NLRC3: variants seen among roughly 807,000 people sequenced by gnomAD.
The protein encoded by NLRC3 is NLR family CARD domain-containing protein 3.
A neutral mutation model predicts 91.6 loss-of-function variants in NLRC3; 87 were observed. The ratio of observed to expected loss-of-function variants is 0.95; its 90% CI spans 0.80 to 1.14. The LOEUF (loss-of-function observed/expected upper bound fraction) is 1.14. Ranked by LOEUF, NLRC3 falls within the 50% of genes most tolerant of loss-of-function variation. NLRC3 has a pLI of 0.00. For synonymous variants in NLRC3, 694 were observed against 625.3 expected, an observed-to-expected ratio of 1.11 and a Z score of -1.64; for missense variants, 1,577 against 1,418.6, an observed-to-expected ratio of 1.11 and a Z score of -1.79.
At chr16:3,551,606 T>C (rs866896956) in intron 10 of NLRC3, among the ~76,000 whole-genome samples, 1 of 147,140 alleles carries the variant, frequency 6.8e-6, no homozygotes, top group African/African-American at 2.6e-5. Flanking sequence ...CATCCACCCA[T>C]CCATCCATCC....
At chr16:3,549,278 C>G in intron 12 of NLRC3, 53 bp from the exon 13 acceptor site, 2 of 1,323,430 alleles carry the variant, frequency 1.5e-6, no homozygotes, top group South Asian at 2.5e-5. Flanking sequence ...AGGTGTCTGG[C>G]AAAGCCAAGC....
chr16:3,548,149 G>T lies in NLRC3; in HGVS notation c.2757C>A (p.Ser919Arg). ...ALGQALQLNRSLTSLDLQENA... is the reference protein window; with the variant it reads ...ALGQALQLNRRLTSLDLQENA... The stretch of plus-strand genomic sequence containing the variant: ...GGCCAACTTACTCTAAGCTGGTGAG[G>T]CTCCTGTTGAGCTGTAGTGCTTGTC... The change falls in exon 15 of 20, where the codon AGC (serine) becomes AGA (arginine). Residue 919 changes from serine (S) to arginine (R), a missense_variant. Ser to Arg is a moderately radical substitution (Grantham distance 110). Transcript: ENST00000359128. 1 of 1,588,716 alleles carries T rather than the reference G, an allele frequency of 6.3e-7. No individual in the cohort carries two copies. The highest frequency in any genetic ancestry group is 8.6e-7 in the Non-Finnish European group (1 of 1,167,416).
intron 1 of NLRC3, among the ~76,000 whole-genome samples, chr16:3,573,208 G>A (rs184675523): frequency 7.9e-4 from 119 of 151,576 alleles, no homozygotes; most frequent in Non-Finnish European, 1.5e-3. Context: ...GCTTGAGCCC[G>A]GGAGTTTGAG....
chr16:3,566,611 G>C (rs930082871), intron 2 of NLRC3, among the ~76,000 whole-genome samples: 6 of 152,146 alleles, frequency 3.9e-5, no homozygotes, highest in Non-Finnish European at 8.8e-5. Context: ...TGTAATCCCA[G>C]CTACTCAGGA....
At chr16:3,551,602 CCCATCCATCCAT>C (rs35701475) in intron 10 of NLRC3, among the ~76,000 whole-genome samples, 7 of 149,982 alleles carry the variant, frequency 4.7e-5, no homozygotes, top group South Asian at 2.1e-4. Context: ...CACTCATCCA[CCCATCCATCCAT>C]CCATCCATCC....
chr16:3,567,214 G>C (rs76879557), intron 2 of NLRC3, 29 bp downstream of exon 2: 1 of 139,298 alleles, frequency 7.2e-6, no homozygotes, highest in Non-Finnish European at 1.5e-5. Context: ...CCGGGAACTC[G>C]CCCCCACCCA....
At chr16:3,555,459 T>C (rs147837628) in intron 8 of NLRC3, among the ~76,000 whole-genome samples, 176 of 152,238 alleles carry the variant, frequency 1.2e-3, no homozygotes, top group Middle Eastern at 6.8e-3. Context: ...AGTGACTGTT[T>C]ATGGGTATGA....
intron 15 of NLRC3, chr16:3,545,013 AT>A (rs146513605): frequency 0.066 from 10,097 of 152,512 alleles, 364 homozygotes; most frequent in Admixed American, 0.076. Flanking sequence ...ATTCTTGCTA[AT>A]TAGGGCTTTG....
intron 9 of NLRC3, 104 bp from the exon 10 acceptor site, chr16:3,552,383 C>A: frequency 1.3e-6 from 1 of 776,702 alleles, no homozygotes; most frequent in Non-Finnish European, 2.2e-6. Context: ...GTGCCCTCTA[C>A]ATTTATTGGA....
intron 8 of NLRC3, among the ~76,000 whole-genome samples, chr16:3,554,829 G>A (rs538625037): frequency 1.0e-3 from 152 of 152,250 alleles, no homozygotes; most frequent in Middle Eastern, 3.4e-3. Flanking sequence ...TCACAGCAAC[G>A]ATATTCATAT....
chr16:3,571,435 T>C (rs1324982214), intron 1 of NLRC3, among the ~76,000 whole-genome samples: 1 of 149,122 alleles, frequency 6.7e-6, no homozygotes, highest in African/African-American at 2.5e-5. Context: ...GAACTAGCTA[T>C]GGGGAGGCTG....
chr16:3,542,944 C>G (rs2038483672), intron 17 of NLRC3, 169 bp from the exon 18 acceptor site: 5 of 589,852 alleles, frequency 8.5e-6, no homozygotes, highest in Non-Finnish European at 1.5e-5. Context: ...AGAGCTGGCT[C>G]TGGGAAGCAG....
chr16:3,572,879 G>A (rs1233658820), intron 1 of NLRC3, among the ~76,000 whole-genome samples: 1 of 151,936 alleles, frequency 6.6e-6, no homozygotes, highest in African/African-American at 2.4e-5. Context: ...TGGGCATGGT[G>A]GTGGGTGACC....
rs1274834598 is a variant in NLRC3, at chr16:3,561,899, C to T, written c.1929-111G>A. 5 of 750,842 alleles carry T rather than the reference C, an allele frequency of 6.7e-6. No individual in the cohort carries two copies. In the East Asian group the frequency reaches 1.0e-4, roughly 15 times the overall value. The allele number at this position is 750,842 out of a possible 1,614,324, so 46.5% of individuals were successfully genotyped here. A position where few individuals can be genotyped will look rare whatever the true frequency, so the allele number is the denominator to read the frequency against. On this transcript the variant is annotated intron_variant, in intron 5 of 19. Coordinates refer to ENST00000359128, the MANE Select transcript of NLRC3 (RefSeq NM_178844.4). ...ATCCCATGCAGCGCTATCACCGCAG[C>T]TCTGAGATCTGCGCTCAGCCCCAGT...
At chr16:3,572,431 G>T (rs1480350737) in intron 1 of NLRC3, among the ~76,000 whole-genome samples, 1 of 152,022 alleles carries the variant, frequency 6.6e-6, no homozygotes, top group East Asian at 1.9e-4. Context: ...GGGACTACAG[G>T]CGCATGCTAC....
At position 3,554,443 on chromosome 16, in the gene NLRC3, C is replaced by T. The variant is rs541216922; in HGVS notation, c.2184-118G>A. 8.9e-5 allele frequency: 61 copies of T among 683,736 alleles called. No homozygotes were observed. The South Asian group carries it at 9.7e-4, about 11-fold the overall frequency. 42.4% of individuals were successfully genotyped at this position (683,736 alleles called of 1,614,324 possible). On this transcript the variant is annotated intron_variant, in intron 8 of 19. Transcript: ENST00000359128. ...CAAGGGGTTCTGACCACTACGTGCCCTCACCGCCCACCATGCAGGGAGAGC... is the reference window on the plus strand; with the variant it reads ...CAAGGGGTTCTGACCACTACGTGCCTTCACCGCCCACCATGCAGGGAGAGC...
At chr16:3,544,360 A>G in intron 15 of NLRC3, 31 bp from the exon 16 acceptor site, 3 of 1,509,204 alleles carry the variant, frequency 2.0e-6, no homozygotes, top group Non-Finnish European at 1.8e-6. Context: ...CTTTGGGTGC[A>G]CGGGGCACAG....
chr16:3,574,387 C>A (rs1477435107), intron 1 of NLRC3, among the ~76,000 whole-genome samples: 1 of 152,168 alleles, frequency 6.6e-6, no homozygotes. Flanking sequence ...AGTTTAAGCT[C>A]CTCCGGTGGT....
rs1375404068 is a variant in NLRC3 at position 3,551,485 on chromosome 16, ATCCATCCC to A, written c.2351+703_2351+710del. Among the ~76,000 whole-genome samples the A allele has an allele frequency of 4.0e-5, 6 of 151,284 alleles. No homozygotes were observed. The East Asian group carries it at 1.2e-3, about 30-fold the overall frequency. ...CATTCATCCACATACCCACCCATCCATCCATCCCTCCATCTACCCACTCACCCATTCAT... is the reference window on the plus strand; with the variant it reads ...CATTCATCCACATACCCACCCATCCATCCATCTACCCACTCACCCATTCAT... On this transcript the variant is annotated intron_variant, in intron 10 of 19. Coordinates refer to ENST00000359128, the MANE Select transcript of NLRC3 (RefSeq NM_178844.4).
Sources: allele counts gnomAD v4.1 joint callset (sites outside exome capture counted in the v4.1 genomes callset), GRCh38; gene constraint gnomAD v4.1.1; transcripts MANE v1.5; gene names NCBI Gene and HGNC (gene_info 2026-07-23, HGNC 2026-07-21).